SARS1: variants seen among roughly 807,000 people sequenced by gnomAD.
SARS1 encodes serine--tRNA ligase, cytoplasmic.
In SARS1, 25 loss-of-function variants were observed where a neutral mutation model predicts 63.7. The ratio of observed to expected loss-of-function variants is 0.39; its 90% CI spans 0.29 to 0.55. The LOEUF (loss-of-function observed/expected upper bound fraction) is 0.55. Ranked by LOEUF, SARS1 falls within the 20% of genes least tolerant of loss-of-function variation. The probability of loss-of-function intolerance (pLI) is 0.62; values close to 1 mark genes in which losing one functional copy is unlikely to be tolerated. For missense variants in SARS1, 417 were observed against 649.7 expected, an observed-to-expected ratio of 0.64 and a Z score of 3.89; for synonymous variants, 231 against 243.5, an observed-to-expected ratio of 0.95 and a Z score of 0.48.
chr1:109,215,650 A>G (rs1378511853), intron 1 of SARS1: 2 of 965,802 alleles, frequency 2.1e-6, no homozygotes, highest in African/African-American at 1.8e-5. Context: ...TATGTAGTTT[A>G]TGTTATTGTT....
chr1:109,237,293 C>T lies in SARS1; in HGVS notation c.1307C>T (p.Thr436Ile). ...GCTACCATGTGCGCCACTACCCGTA[C>T]CATCTGCGCCATCCTGGAGAACTAC... ...LNATMCATTR[T>I]ICAILENYQT... The change falls in exon 10 of 11, where the codon ACC becomes ATC. Residue 436 changes from threonine (T) to isoleucine (I), a missense_variant. Around this residue, in one of 3 missense-constraint regions of SARS1, gnomAD observed 15 missense variants for 52.0 expected, o/e 0.29. Transcript: ENST00000234677. This position sits in a 1 kb window ranked among gnomAD's most constrained non-coding sequence, Gnocchi z 4.1. 1 of 1,614,156 alleles carries T rather than the reference C, an allele frequency of 6.2e-7. No homozygotes were observed. The highest frequency in any genetic ancestry group is 8.5e-7 in the Non-Finnish European group (1 of 1,180,024).
Position 109,215,485 on chromosome 1 carries a change from A to G in SARS1, c.136+1357A>G. 6.1e-6 allele frequency: 6 copies of G among 985,050 alleles called. No individual in the cohort carries two copies. In the South Asian group the frequency reaches 2.8e-4, roughly 46 times the overall value. The allele number at this position is 985,050 out of a possible 1,614,324, so 61.0% of individuals were successfully genotyped here. A position where few individuals can be genotyped will look rare whatever the true frequency, so the allele number is the denominator to read the frequency against. On this transcript the variant is annotated intron_variant, in intron 1 of 10. Transcript: ENST00000234677. Reference sequence around the variant, plus strand: ...GGGACAAGGATTCAATTTTATTCATACAGTATATATGTGGATATACATATA... The same window carrying G: ...GGGACAAGGATTCAATTTTATTCATGCAGTATATATGTGGATATACATATA...
chr1:109,236,628 A>G, intron 9 of SARS1, 80 bp downstream of exon 9: 1 of 1,540,668 alleles, frequency 6.5e-7, no homozygotes, highest in South Asian at 1.2e-5. Context: ...TTTGGGGTGC[A>G]CTGGTCCCCA....
At chr1:109,224,182 A>G in intron 2 of SARS1, 134 bp downstream of exon 2, 1 of 686,042 alleles carries the variant, frequency 1.5e-6, no homozygotes, top group Non-Finnish European at 2.5e-6. Context: ...CAAAGGGGAA[A>G]ATATTATTTT....
rs1210374870 is a variant in SARS1 at position 109,237,969 on chromosome 1, G to A, written c.*81G>A. ...GCCTGCCCAACAGCAGGGAAGCCAA[G>A]CACCCATTCATCCCCCTGCCCCCAT... On this transcript the variant is annotated 3_prime_UTR_variant, in exon 11 of 11. Coordinates refer to ENST00000234677, the MANE Select transcript of SARS1 (RefSeq NM_006513.4). The surrounding 1 kb of genome is among the most constrained non-coding windows in gnomAD (Gnocchi z 4.1). The A allele has an allele frequency of 2.0e-6, 3 of 1,509,344 alleles. No homozygotes were observed. The highest frequency in any genetic ancestry group is 1.8e-6 in the Non-Finnish European group (2 of 1,106,896). 93.5% of individuals were successfully genotyped at this position (1,509,344 alleles called of 1,614,324 possible). A position where few individuals can be genotyped will look rare whatever the true frequency, so the allele number is the denominator to read the frequency against.
At chr1:109,223,924 A>C in intron 1 of SARS1, 54 bp from the exon 2 acceptor site, 4 of 1,289,428 alleles carry the variant, frequency 3.1e-6, no homozygotes, top group Non-Finnish European at 4.5e-6. Context: ...AGGAGAAAGG[A>C]GTATCTTAAT....
At chr1:109,226,665 A>T (rs1655085434) in intron 2 of SARS1, among the ~76,000 whole-genome samples, 1 of 34,534 alleles carries the variant, frequency 2.9e-5, no homozygotes, top group African/African-American at 8.6e-5. Context: ...GGCTAATTTA[A>T]AAAAAAAAAA....
chr1:109,237,484 G>T lies in SARS1; in HGVS notation c.1387+111G>T. The T allele has an allele frequency of 6.7e-7, 1 of 1,502,310 alleles. No homozygotes were observed. Among genetic ancestry groups the T allele is most frequent in the South Asian group, 1.2e-5 (1 of 84,580 alleles). The allele number at this position is 1,502,310 out of a possible 1,614,324, so 93.1% of individuals were successfully genotyped here. A position where few individuals can be genotyped will look rare whatever the true frequency, so the allele number is the denominator to read the frequency against. On this transcript the variant is annotated intron_variant, in intron 10 of 10. Coordinates refer to ENST00000234677, the MANE Select transcript of SARS1 (RefSeq NM_006513.4). The surrounding 1 kb of genome is among the most constrained non-coding windows in gnomAD (Gnocchi z 4.1). ...GTTTTTTTGTTCAGACACAGCCCCT[G>T]AAACTCTGTCTGCCCTCTCGGGCTG... is the stretch of plus-strand genomic sequence containing the variant.
rs749864964 is a variant in SARS1, at chr1:109,224,031, A to G, written c.190A>G (p.Ile64Val). Residue 64 changes from isoleucine (I) to valine (V), a missense_variant, in exon 2 of 11, where the codon ATC (isoleucine) becomes GTC (valine). By Grantham distance (29) the Ile-to-Val change is conservative. Around this residue, in one of 3 missense-constraint regions of SARS1, gnomAD observed 359 missense variants for 529.6 expected, o/e 0.68. Coordinates refer to ENST00000234677, the MANE Select transcript of SARS1 (RefSeq NM_006513.4). ...NKLKNLCSKT[I>V]GEKMKKKEPV... Reference sequence around the variant, plus strand: ...GCTGAAGAACCTATGCAGCAAGACAATCGGAGAGAAAATGAAGGTAAGAGA... The same window carrying G: ...GCTGAAGAACCTATGCAGCAAGACAGTCGGAGAGAAAATGAAGGTAAGAGA... 5.0e-6 allele frequency: 8 copies of G among 1,613,276 alleles called. No homozygotes were observed. The highest frequency in any genetic ancestry group is 1.1e-5 in the South Asian group (1 of 91,080).
chr1:109,228,222 C>A, intron 2 of SARS1, 130 bp from the exon 3 acceptor site: 1 of 716,480 alleles, frequency 1.4e-6, no homozygotes. Flanking sequence ...CATGTTGTAT[C>A]TTTTAGAAAA....
intron 5 of SARS1, 29 bp downstream of exon 5, chr1:109,231,050 A>G: frequency 9.8e-6 from 13 of 1,329,822 alleles, no homozygotes; most frequent in Non-Finnish European, 1.3e-5. Flanking sequence ...TGAGGATAGG[A>G]TTATGAAAAA....
intron 1 of SARS1, among the ~76,000 whole-genome samples, chr1:109,218,023 C>G (rs965643625): frequency 2.6e-5 from 4 of 151,722 alleles, no homozygotes; most frequent in African/African-American, 7.3e-5. Context: ...AACCCCATCT[C>G]TACTAAAAAT....
chr1:109,226,073 G>A (rs1186357180), intron 2 of SARS1, among the ~76,000 whole-genome samples: 1 of 151,394 alleles, frequency 6.6e-6, no homozygotes, highest in Non-Finnish European at 1.5e-5. Flanking sequence ...GCTCACTGCA[G>A]CCTCAACCTC....
At position 109,228,436 on chromosome 1, in the gene SARS1, A is replaced by C. The variant is rs1383431604; in HGVS notation, c.288+4A>C. On this transcript the variant is annotated splice_donor_region_variant and intron_variant, in intron 3 of 10. Coordinates refer to ENST00000234677, the MANE Select transcript of SARS1 (RefSeq NM_006513.4). ...CCTTACTGCAGACGCTTTAGCTGTAAGTTATAGTTCTTTTCTAAGTTAGGA... is the reference window on the plus strand; with the variant it reads ...CCTTACTGCAGACGCTTTAGCTGTACGTTATAGTTCTTTTCTAAGTTAGGA... 1.9e-6 allele frequency: 3 copies of C among 1,598,866 alleles called. No individual in the cohort carries two copies. In the South Asian group the frequency reaches 3.3e-5, roughly 18 times the overall value.
chr1:109,228,226 T>C lies in SARS1; in HGVS notation c.208-126T>C, dbSNP rs190852817. On this transcript the variant is annotated intron_variant, in intron 2 of 10. Coordinates refer to ENST00000234677, the MANE Select transcript of SARS1 (RefSeq NM_006513.4). Reference sequence around the variant, plus strand: ...TTTTTTTCCTACATGTTGTATCTTTTAGAAAAATTTATGTAAGAAGTTCTG... The same window carrying C: ...TTTTTTTCCTACATGTTGTATCTTTCAGAAAAATTTATGTAAGAAGTTCTG... The C allele has an allele frequency of 1.4e-5, 10 of 737,924 alleles. No individual in the cohort carries two copies. In the African/African-American group the frequency reaches 1.4e-4, roughly 11 times the overall value. 45.7% of individuals were successfully genotyped at this position (737,924 alleles called of 1,614,324 possible).
intron 1 of SARS1, among the ~76,000 whole-genome samples, chr1:109,217,884 A>G (rs577371634): frequency 2.0e-5 from 3 of 152,118 alleles, no homozygotes; most frequent in Non-Finnish European, 2.9e-5. Context: ...TCAACACATA[A>G]TCAGTATTTT....
Position 109,237,426 on chromosome 1 carries a change from T to C in SARS1, c.1387+53T>C, listed in dbSNP as rs1002096327. On this transcript the variant is annotated intron_variant, in intron 10 of 10. Coordinates refer to ENST00000234677, the MANE Select transcript of SARS1 (RefSeq NM_006513.4). The surrounding 1 kb of genome is among the most constrained non-coding windows in gnomAD (Gnocchi z 4.1). ...CTCCTCTTTTCTGTCTTCACACTCT[T>C]CTAAATAGCAGTCCCCTTTCAGGAT... is the stretch of plus-strand genomic sequence containing the variant. 3 of 1,612,224 alleles carry C rather than the reference T, an allele frequency of 1.9e-6. No individual in the cohort carries two copies. The African/African-American group carries it at 4.0e-5, about 22-fold the overall frequency.
At chr1:109,234,105 C>T (rs934604364) in intron 6 of SARS1, among the ~76,000 whole-genome samples, 3 of 151,682 alleles carry the variant, frequency 2.0e-5, no homozygotes, top group Admixed American at 1.3e-4. Context: ...TCTCGAGCTC[C>T]TGACCTCAGG....
In SARS1 at chr1:109,235,830, T is replaced by C. The variant is rs758960811; in HGVS notation, c.970-147T>C. 74 of 739,866 alleles carry C rather than the reference T, an allele frequency of 1.0e-4. No individual in the cohort carries two copies. The highest frequency in any genetic ancestry group is 5.8e-4 in the Admixed American group (23 of 39,348). 45.8% of individuals were successfully genotyped at this position (739,866 alleles called of 1,614,324 possible). On this transcript the variant is annotated intron_variant, in intron 7 of 10. Transcript: ENST00000234677. The surrounding 1 kb of genome is among the most constrained non-coding windows in gnomAD (Gnocchi z 4.7). ...AAGCTCGCACCATAAGCATTTGCTC[T>C]TGTGGTCCAGTCCCAGTTGCTGGGG...
Sources: gnomAD v4.1 joint callset for allele counts (sites outside exome capture counted in the v4.1 genomes callset) on GRCh38, gnomAD v4.1.1 for gene constraint, gnomAD v4.1.1 regional missense constraint, Gnocchi (gnomAD v3.1) non-coding constraint, MANE v1.5 for transcripts, NCBI Gene and HGNC (gene_info 2026-07-23, HGNC 2026-07-21) for gene names.